ZC3H12B: variants seen among roughly 807,000 people sequenced by gnomAD.
ZC3H12B encodes the protein zinc finger CCCH-type containing 12B.
A neutral mutation model predicts 43.9 loss-of-function variants in ZC3H12B; 7 were observed. That is an observed-to-expected ratio of 0.16 (90% CI 0.09 to 0.30). The LOEUF (loss-of-function observed/expected upper bound fraction) is 0.30. ZC3H12B is among the 10% of genes least tolerant of loss of function. ZC3H12B has a pLI of 1.00. For missense variants in ZC3H12B, 475 were observed against 670.2 expected (o/e 0.71, Z 3.22); for synonymous variants, 222 against 241.7 (o/e 0.92, Z 0.76).
At chrX:65,430,265 G>C (rs1167562426) in intron 3 of ZC3H12B, among the ~76,000 whole-genome samples, 1 of 110,975 alleles carries the variant, frequency 9.0e-6, no homozygotes, top group Non-Finnish European at 1.9e-5. Context: ...CTCACAAGGG[G>C]ATCTCCTGAT....
At chrX:65,107,928 T>C in the ZC3H12B span, among the ~76,000 whole-genome samples, 1 of 111,910 alleles carries the variant, frequency 8.9e-6, no homozygotes, top group Non-Finnish European at 1.9e-5. Flanking sequence ...TATAGCCTCG[T>C]GCTCCTAGGC....
chrX:65,212,792 A>G, the ZC3H12B span, among the ~76,000 whole-genome samples: 1 of 101,873 alleles, frequency 9.8e-6, no homozygotes, highest in Non-Finnish European at 2.0e-5. Flanking sequence ...TATTAGCTCT[A>G]TGAGAACATC....
At chrX:65,165,982 G>C in the ZC3H12B span, among the ~76,000 whole-genome samples, 1 of 111,519 alleles carries the variant, frequency 9.0e-6, no homozygotes, top group African/African-American at 3.3e-5. Context: ...TTTAATAATC[G>C]CTATTCTAAC....
At chrX:65,176,311 A>T in the ZC3H12B span, among the ~76,000 whole-genome samples, 1 of 111,858 alleles carries the variant, frequency 8.9e-6, no homozygotes, top group East Asian at 2.8e-4. Context: ...CAGCTCCAGA[A>T]AGCCTCTATA....
At chrX:65,060,450 G>T in the ZC3H12B span, among the ~76,000 whole-genome samples, 3 of 112,044 alleles carry the variant, frequency 2.7e-5, no homozygotes, top group South Asian at 1.1e-3. Flanking sequence ...CATATCAATT[G>T]AAATGGTCAT....
the ZC3H12B span, among the ~76,000 whole-genome samples, chrX:65,289,574 T>C: frequency 1.8e-5 from 2 of 109,454 alleles, no homozygotes; most frequent in African/African-American, 6.6e-5. Context: ...TTTATATTCA[T>C]AATATCTAAT....
At chrX:65,441,975 T>C (rs1453575862) in intron 3 of ZC3H12B, among the ~76,000 whole-genome samples, 1 of 108,077 alleles carries the variant, frequency 9.3e-6, no homozygotes, top group Non-Finnish European at 1.9e-5. Context: ...GTGTTTTCCT[T>C]TTTTACATTT....
the ZC3H12B span, among the ~76,000 whole-genome samples, chrX:65,167,977 G>C: frequency 8.9e-6 from 1 of 111,852 alleles, no homozygotes; most frequent in African/African-American, 3.2e-5. Context: ...CATGTCATCT[G>C]CAACAAGGGA....
At chrX:65,467,397 G>A (rs2067839433) in intron 3 of ZC3H12B, among the ~76,000 whole-genome samples, 1 of 111,272 alleles carries the variant, frequency 9.0e-6, no homozygotes, top group African/African-American at 3.3e-5. Flanking sequence ...ATTGTGAATT[G>A]TGCTGTGATA....
intron 3 of ZC3H12B, among the ~76,000 whole-genome samples, chrX:65,450,849 A>G (rs766152532): frequency 1.2e-5 from 1 of 86,570 alleles, no homozygotes; most frequent in Non-Finnish European, 2.2e-5. Context: ...ATGTATATAT[A>G]TACATATGTG....
chrX:65,325,653 T>G, the ZC3H12B span, among the ~76,000 whole-genome samples: 1 of 111,603 alleles, frequency 9.0e-6, no homozygotes, highest in Non-Finnish European at 1.9e-5. Context: ...GAAGAATTAT[T>G]TTTTCAAATG....
the ZC3H12B span, among the ~76,000 whole-genome samples, chrX:65,070,860 A>C: frequency 1.8e-5 from 1 of 54,399 alleles, no homozygotes; most frequent in Non-Finnish European, 3.3e-5. Flanking sequence ...GGGTTGTCTT[A>C]TGTCCAATTG....
the ZC3H12B span, among the ~76,000 whole-genome samples, chrX:65,037,933 A>G: frequency 9.0e-6 from 1 of 111,164 alleles, no homozygotes; most frequent in East Asian, 2.8e-4. Context: ...TAATGTATAT[A>G]TTAATAATTG....
chrX:65,174,494 G>T, the ZC3H12B span, among the ~76,000 whole-genome samples: 1 of 111,666 alleles, frequency 9.0e-6, no homozygotes, highest in Non-Finnish European at 1.9e-5. Flanking sequence ...CCCTTCCCCA[G>T]GTGCTCTGTC....
the ZC3H12B span, among the ~76,000 whole-genome samples, chrX:65,157,573 A>G: frequency 1.8e-5 from 2 of 111,447 alleles, no homozygotes; most frequent in Non-Finnish European, 3.8e-5. Flanking sequence ...TTTTTACTAT[A>G]GCCATTCTCT....
At chrX:65,388,335 C>G (rs1293426928) in intron 2 of ZC3H12B, among the ~76,000 whole-genome samples, 1 of 111,718 alleles carries the variant, frequency 9.0e-6, no homozygotes, top group Admixed American at 9.5e-5. Context: ...AGGCTTTGTT[C>G]TTTTTTGTTT....
chrX:65,113,276 G>T, the ZC3H12B span, among the ~76,000 whole-genome samples: 1 of 111,832 alleles, frequency 8.9e-6, no homozygotes, highest in African/African-American at 3.2e-5. Context: ...ATCTGCTCCT[G>T]GTGAAGATGC....
chrX:65,323,234 T>A, the ZC3H12B span, among the ~76,000 whole-genome samples: 1 of 112,237 alleles, frequency 8.9e-6, no homozygotes, highest in Non-Finnish European at 1.9e-5. Context: ...GGATCTTAGA[T>A]AAAAGGGTTT....
At chrX:65,193,403 A>G in the ZC3H12B span, among the ~76,000 whole-genome samples, 5 of 111,610 alleles carry the variant, frequency 4.5e-5, no homozygotes, top group Admixed American at 4.8e-4. Context: ...CCTTGCTTCT[A>G]AATTTTCCAA....
Sources: gnomAD v4.1 joint callset for allele counts (sites outside exome capture counted in the v4.1 genomes callset) on GRCh38, gnomAD v4.1.1 for gene constraint, MANE v1.5 for transcripts, NCBI Gene and HGNC (gene_info 2026-07-23, HGNC 2026-07-21) for gene names.